DISC1: variants seen among roughly 807,000 people sequenced by gnomAD.
DISC1 encodes DISC1 scaffold protein, also known as disrupted in schizophrenia 1 protein.
DISC1 carries 57 observed loss-of-function variants against 84.5 expected under a neutral mutation model. That is an observed-to-expected ratio of 0.67 (90% CI 0.55 to 0.84). DISC1 has a LOEUF of 0.84. Among genes scored for constraint, DISC1 ranks in the 40% least tolerant of loss-of-function variants. The pLI is 0.00. For synonymous variants in DISC1, 411 were observed against 415.2 expected, an observed-to-expected ratio of 0.99 and a Z score of 0.12; for missense variants, 1,000 against 1,057.8, an observed-to-expected ratio of 0.95 and a Z score of 0.76.
chr1:231,951,456 G>T (rs770406661), intron 9 of DISC1, among the ~76,000 whole-genome samples: 5 of 152,174 alleles, frequency 3.3e-5, no homozygotes, highest in Non-Finnish European at 7.4e-5. Context: ...CTTATTTTAT[G>T]TGCAACTGCT....
intron 9 of DISC1, among the ~76,000 whole-genome samples, chr1:231,851,280 C>G (rs2083877937): frequency 6.6e-6 from 1 of 152,192 alleles, no homozygotes; most frequent in Admixed American, 6.5e-5. Context: ...TATTGACTTT[C>G]AGATTCACGG....
chr1:231,801,821 GT>G lies in DISC1; in HGVS notation c.1792+1626del, dbSNP rs1270795717. ...GCCCTATTGAATGGAAAGGATCTTG[GT>G]TTTTTTTTTTTTTTGAGTCAGAGTC... On this transcript the variant is annotated intron_variant, in intron 8 of 12. Transcript: ENST00000439617. Among the ~76,000 whole-genome samples, 909 of 139,398 alleles carry G rather than the reference GT, an allele frequency of 6.5e-3. 7 individuals are homozygous for G. The highest frequency in any genetic ancestry group is 0.019 in the African/African-American group (744 of 38,174). The allele number at this position is 139,398 out of a possible 152,430, so 91.5% of individuals were successfully genotyped here.
At chr1:231,641,701 A>G (rs895738935) in intron 1 of DISC1, among the ~76,000 whole-genome samples, 3 of 152,162 alleles carry the variant, frequency 2.0e-5, no homozygotes, top group African/African-American at 4.8e-5. Context: ...TGGTACGTTT[A>G]CAATCCCTGA....
intron 9 of DISC1, among the ~76,000 whole-genome samples, chr1:231,909,901 T>C (rs1680083886): frequency 6.6e-6 from 1 of 152,242 alleles, no homozygotes; most frequent in East Asian, 1.9e-4. Context: ...TGGTTTAGTC[T>C]TGGGAGGATG....
At chr1:231,681,769 C>A (rs1420135061) in intron 1 of DISC1, among the ~76,000 whole-genome samples, 3 of 151,918 alleles carry the variant, frequency 2.0e-5, no homozygotes, top group Non-Finnish European at 4.4e-5. Context: ...GATCTTGGCT[C>A]ACTGCAACCT....
intron 1 of DISC1, among the ~76,000 whole-genome samples, chr1:231,685,740 C>A (rs2064191388): frequency 6.6e-6 from 1 of 152,160 alleles, no homozygotes; most frequent in South Asian, 2.1e-4. Flanking sequence ...CATAAGCCAC[C>A]ACACCCGGAC....
chr1:231,719,376 TATC>T (rs1357145973), intron 3 of DISC1, among the ~76,000 whole-genome samples: 1 of 152,224 alleles, frequency 6.6e-6, no homozygotes, highest in African/African-American at 2.4e-5. Context: ...TATTATCACT[TATC>T]ATCTTATTAT....
intron 10 of DISC1, among the ~76,000 whole-genome samples, chr1:231,995,751 T>C (rs1467654267): frequency 7.5e-6 from 1 of 133,908 alleles, no homozygotes; most frequent in Admixed American, 7.6e-5. Flanking sequence ...TGTTGGACAT[T>C]TGGGTTGGTT....
chr1:231,912,608 A>T (rs995369604), intron 9 of DISC1, among the ~76,000 whole-genome samples: 17 of 152,150 alleles, frequency 1.1e-4, no homozygotes, highest in Non-Finnish European at 1.9e-4. Context: ...GGTGCCTCCC[A>T]GTTAGGCTAC....
chr1:232,030,039 C>T (rs1669853504), intron 12 of DISC1, among the ~76,000 whole-genome samples: 1 of 152,212 alleles, frequency 6.6e-6, no homozygotes, highest in Non-Finnish European at 1.5e-5. Context: ...ACAAACCCAT[C>T]AGCTACTGTG....
chr1:231,706,390 A>G (rs557710435), intron 3 of DISC1, among the ~76,000 whole-genome samples: 1 of 152,276 alleles, frequency 6.6e-6, no homozygotes, highest in East Asian at 1.9e-4. Flanking sequence ...GTGGGCAACA[A>G]GTTTCTATGT....
chr1:231,873,066 G>A (rs2085583093), intron 9 of DISC1, among the ~76,000 whole-genome samples: 1 of 152,240 alleles, frequency 6.6e-6, no homozygotes, highest in African/African-American at 2.4e-5. Context: ...TGGGAGGCCT[G>A]ATGTCCTTTC....
intron 9 of DISC1, among the ~76,000 whole-genome samples, chr1:231,831,479 T>G (rs986376492): frequency 1.4e-4 from 21 of 152,138 alleles, no homozygotes; most frequent in African/African-American, 4.8e-4. Flanking sequence ...GGGGAGTAGG[T>G]GGGAATGACT....
chr1:231,956,947 C>T (rs1165473702), intron 9 of DISC1, among the ~76,000 whole-genome samples: 2 of 152,066 alleles, frequency 1.3e-5, no homozygotes, highest in Non-Finnish European at 2.9e-5. Flanking sequence ...GGACTCTAGC[C>T]TCAGAAGAGT....
chr1:231,855,846 C>T (rs751959923), intron 9 of DISC1, among the ~76,000 whole-genome samples: 4 of 152,146 alleles, frequency 2.6e-5, no homozygotes, highest in East Asian at 1.9e-4. Context: ...AATATGTTCA[C>T]GTGCATATTC....
chr1:232,032,336 A>T lies in DISC1; in HGVS notation c.2426-4356A>T, dbSNP rs545086204. 3.6e-3 allele frequency among the ~76,000 whole-genome samples: 548 copies of T among 152,256 alleles called. 4 individuals are homozygous for T. The highest frequency in any genetic ancestry group is 0.013 in the African/African-American group (534 of 41,552). ...AATTGTTTTCTTATAAAAACAGAAG[A>T]CTCCATCTAAAGAATTCCAGGATCT... On this transcript the variant is annotated intron_variant, in intron 12 of 12. Transcript: ENST00000439617.
chr1:231,703,561 G>A (rs2066668154), intron 3 of DISC1, among the ~76,000 whole-genome samples: 1 of 152,168 alleles, frequency 6.6e-6, no homozygotes, highest in African/African-American at 2.4e-5. Context: ...ACAATGCAGT[G>A]AAAAAGTAGG....
In DISC1 at chr1:231,799,658, C is replaced by T. The variant is rs376919227; in HGVS notation, c.1690-450C>T. Among the ~76,000 whole-genome samples, 35 of 151,766 alleles carry T rather than the reference C, an allele frequency of 2.3e-4. No homozygotes were observed. The East Asian group carries it at 3.4e-3, about 15-fold the overall frequency. On this transcript the variant is annotated intron_variant, in intron 7 of 12. Transcript: ENST00000439617. ...CAAAAGTGATGCAGACAGGAGGATT[C>T]GGCAGAGGCCTGGAGAAGGCAGGAG... is the stretch of plus-strand genomic sequence containing the variant.
chr1:231,762,215 C>CTTCTTTTCTT (rs71179792), intron 4 of DISC1, among the ~76,000 whole-genome samples: 92 of 80,314 alleles, frequency 1.1e-3, no homozygotes, highest in African/African-American at 4.2e-3. Context: ...TTTCTTTTCT[C>CTTCTTTTCTT]TTCTTTTCTT....
Sources: allele counts gnomAD v4.1 joint callset (sites outside exome capture counted in the v4.1 genomes callset), GRCh38; gene constraint gnomAD v4.1.1; transcripts MANE v1.5; gene names NCBI Gene and HGNC (gene_info 2026-07-23, HGNC 2026-07-21).